Variants in SGCD observed in about 807,000 individuals in gnomAD.
SGCD encodes the protein delta-sarcoglycan.
SGCD carries 18 observed loss-of-function variants against 36.6 expected under a neutral mutation model. The observed-to-expected ratio is 0.49, with a 90% CI of 0.34 to 0.73. The LOEUF (loss-of-function observed/expected upper bound fraction) is 0.73, where lower values mean the gene tolerates loss of function less well. SGCD is among the 30% of genes least tolerant of loss of function. SGCD has a pLI of 0.01. For synonymous variants in SGCD, 133 were observed against 130.6 expected, an observed-to-expected ratio of 1.02 and a Z score of -0.12; for missense variants, 387 against 346.7, an observed-to-expected ratio of 1.12 and a Z score of -0.92.
intron 1 of SGCD, among the ~76,000 whole-genome samples, chr5:155,960,283 G>A (rs1429113539): frequency 1.3e-5 from 2 of 151,992 alleles, no homozygotes; most frequent in African/African-American, 4.8e-5. Context: ...TGTTGTCCTG[G>A]CTTGCCAAGG....
chr5:156,440,863 A>T (rs151031690), intron 3 of SGCD, among the ~76,000 whole-genome samples: 224 of 152,264 alleles, frequency 1.5e-3, no homozygotes, highest in Non-Finnish European at 2.7e-3. Flanking sequence ...CTAGACCCTT[A>T]TCAGATATGA....
the SGCD span, among the ~76,000 whole-genome samples, chr5:155,740,090 G>A: frequency 6.6e-6 from 1 of 152,106 alleles, no homozygotes; most frequent in African/African-American, 2.4e-5. Context: ...TTTATTGAAT[G>A]ACATATGTTT....
the SGCD span, among the ~76,000 whole-genome samples, chr5:155,800,514 G>A: frequency 6.6e-6 from 1 of 152,150 alleles, no homozygotes; most frequent in Non-Finnish European, 1.5e-5. Context: ...TGTTGCAGAT[G>A]AGAAGTCTGA....
chr5:155,760,026 T>C, the SGCD span, among the ~76,000 whole-genome samples: 16 of 88 alleles, frequency 0.18, no homozygotes, highest in African/African-American at 0.17. Flanking sequence ...ACCATCATCA[T>C]AATAAATTTG....
intron 7 of SGCD, among the ~76,000 whole-genome samples, chr5:156,740,551 A>C (rs1444697636): frequency 1.3e-5 from 2 of 152,236 alleles, no homozygotes; most frequent in Admixed American, 6.5e-5. Context: ...TAATGGGCCC[A>C]CACAGTGGGC....
intron 3 of SGCD, among the ~76,000 whole-genome samples, chr5:156,368,384 C>T (rs1426510218): frequency 6.6e-6 from 1 of 152,320 alleles, no homozygotes; most frequent in Non-Finnish European, 1.5e-5. Context: ...AGCCACTGCG[C>T]CTGGCCTGTA....
chr5:155,947,207 T>C (rs1178842939), intron 1 of SGCD, among the ~76,000 whole-genome samples: 1 of 152,096 alleles, frequency 6.6e-6, no homozygotes, highest in African/African-American at 2.4e-5. Context: ...CTTGCAACAG[T>C]CTAGTGATAT....
intron 7 of SGCD, among the ~76,000 whole-genome samples, chr5:156,683,321 T>A (rs77014517): frequency 0.027 from 4,108 of 152,324 alleles, 173 homozygotes; most frequent in African/African-American, 0.092. Context: ...CATCTTTGTA[T>A]CCATAATTAG....
intron 3 of SGCD, among the ~76,000 whole-genome samples, chr5:156,144,000 T>C (rs1040126486): frequency 1.3e-5 from 2 of 151,490 alleles, no homozygotes; most frequent in African/African-American, 4.9e-5. Context: ...TGTTTTTTTT[T>C]CCTTGCGATA....
intron 3 of SGCD, among the ~76,000 whole-genome samples, chr5:156,404,177 G>C (rs62380757): frequency 1.3e-5 from 2 of 152,144 alleles, no homozygotes; most frequent in Non-Finnish European, 2.9e-5. Flanking sequence ...AATTGAGCAC[G>C]AATATTCTTA....
At chr5:156,263,065 G>C (rs1489333464) in intron 3 of SGCD, among the ~76,000 whole-genome samples, 1 of 152,038 alleles carries the variant, frequency 6.6e-6, no homozygotes, top group Non-Finnish European at 1.5e-5. Flanking sequence ...ACATGGGTGT[G>C]CAAGTACCTT....
chr5:156,082,244 A>AGT (rs758712122), intron 1 of SGCD, among the ~76,000 whole-genome samples: 20 of 97,474 alleles, frequency 2.1e-4, no homozygotes, highest in East Asian at 6.9e-4. Context: ...GAGAGACAGG[A>AGT]GTGTGTGTGT....
At chr5:155,823,644 G>A in the SGCD span, among the ~76,000 whole-genome samples, 1 of 152,158 alleles carries the variant, frequency 6.6e-6, no homozygotes, top group East Asian at 1.9e-4. Flanking sequence ...ATTAGCATAG[G>A]GTTCTGGACA....
chr5:155,762,168 C>T, the SGCD span, among the ~76,000 whole-genome samples: 2 of 152,040 alleles, frequency 1.3e-5, no homozygotes, highest in Non-Finnish European at 2.9e-5. Flanking sequence ...TTCTGACTAC[C>T]CCCACCCACC....
intron 3 of SGCD, among the ~76,000 whole-genome samples, chr5:156,365,898 A>G (rs1372853399): frequency 7.9e-6 from 1 of 126,416 alleles, no homozygotes; most frequent in Non-Finnish European, 1.8e-5. Context: ...ACATGTATAC[A>G]TATGTGTATA....
rs5872446 is a variant in SGCD, at chr5:156,000,782, A to AT, written c.-281-117087dup. 1.9e-3 allele frequency among the ~76,000 whole-genome samples: 281 copies of AT among 148,336 alleles called. 1 individual carries two copies. The highest frequency in any genetic ancestry group is 5.8e-3 in the African/African-American group (225 of 38,858). ...TACTCAAGGGCTTATTCAAACACAT[A>AT]TTTTTTTTTCCTCACACATATATAT... On this transcript the variant is annotated intron_variant, in intron 1 of 9. Coordinates refer to the SGCD transcript ENST00000517913.
At chr5:156,158,047 A>T (rs10063678) in intron 3 of SGCD, among the ~76,000 whole-genome samples, 8,929 of 149,894 alleles carry the variant, frequency 0.06, 580 homozygotes, top group African/African-American at 0.13. Flanking sequence ...AAACTGTGTA[A>T]TTGGTTTTTT....
In SGCD at chr5:156,450,450, A is replaced by G. The variant is rs574364907; in HGVS notation, c.193-58151A>G. On this transcript the variant is annotated intron_variant, in intron 3 of 8. Coordinates refer to ENST00000337851, the MANE Select transcript of SGCD (RefSeq NM_000337.6). ...AAGAGAGTTCTTAAAGCTGCATTTAAAAGTCATCTAAAGTCACTCTACATT... is the reference window on the plus strand; with the variant it reads ...AAGAGAGTTCTTAAAGCTGCATTTAGAAGTCATCTAAAGTCACTCTACATT... Among the ~76,000 whole-genome samples, 146 of 152,126 alleles carry G rather than the reference A, an allele frequency of 9.6e-4. 1 individual carries two copies. The highest frequency in any genetic ancestry group is 5.9e-5 in the Non-Finnish European group (4 of 67,992).
the SGCD span, among the ~76,000 whole-genome samples, chr5:155,823,016 C>T: frequency 2.0e-5 from 3 of 152,084 alleles, no homozygotes; most frequent in Non-Finnish European, 4.4e-5. Context: ...GTATCTCTCT[C>T]TCTCTCCATA....
Sources: gnomAD v4.1 joint callset for allele counts (sites outside exome capture counted in the v4.1 genomes callset) on GRCh38, gnomAD v4.1.1 for gene constraint, MANE v1.5 for transcripts, NCBI Gene and HGNC (gene_info 2026-07-23, HGNC 2026-07-21) for gene names.